YWHAZ: variants seen among roughly 807,000 people sequenced by gnomAD.
YWHAZ encodes the protein tyrosine 3-monooxygenase/tryptophan 5-monooxygenase activation protein zeta.
For synonymous variants in YWHAZ, 87 were observed against 103.6 expected (o/e 0.84, Z 0.97); for missense variants, 79 against 284.8 (o/e 0.28, Z 5.20).
rs553703085 is a variant in YWHAZ, at chr8:100,949,125, G to C, written c.-11-225C>G. Among the ~76,000 whole-genome samples, 27 of 152,282 alleles carry C rather than the reference G, an allele frequency of 1.8e-4. No homozygotes were observed. Among genetic ancestry groups the C allele is most frequent in the South Asian group, 1.0e-3 (5 of 4,820 alleles). The stretch of plus-strand genomic sequence containing the variant: ...TAAACTTACAGCCATTAACACATCA[G>C]TGTAGCAAAACTTAAAATTTGTTCA... On this transcript the variant is annotated intron_variant, in intron 1 of 5. Transcript: ENST00000395958.
chr8:100,940,628 C>T (rs985029930), intron 2 of YWHAZ, among the ~76,000 whole-genome samples: 4 of 152,174 alleles, frequency 2.6e-5, no homozygotes, highest in African/African-American at 9.7e-5. Flanking sequence ...AATGAAACCA[C>T]AATAAAGTGA....
At chr8:100,928,690 G>A (rs978160464) in intron 2 of YWHAZ, among the ~76,000 whole-genome samples, 3 of 151,528 alleles carry the variant, frequency 2.0e-5, no homozygotes, top group Non-Finnish European at 2.9e-5. Flanking sequence ...CTGAGATTGC[G>A]CCATTGCACT....
In YWHAZ at chr8:100,920,472, T is replaced by C. The variant is rs1201318026; in HGVS notation, c.*221A>G. 7.1e-6 allele frequency: 4 copies of C among 561,838 alleles called. No individual in the cohort carries two copies. Among genetic ancestry groups the C allele is most frequent in the African/African-American group, 3.8e-5 (2 of 52,418 alleles). The allele number at this position is 561,838 out of a possible 1,614,324, so 34.8% of individuals were successfully genotyped here. On this transcript the variant is annotated 3_prime_UTR_variant, in exon 6 of 6. Coordinates refer to ENST00000395958, the MANE Select transcript of YWHAZ (RefSeq NM_145690.3). ...TGTATAAAAATTCCACATCCCCATATTGGCCACCTCAAGATGAAAACAGAT... is the reference window on the plus strand; with the variant it reads ...TGTATAAAAATTCCACATCCCCATACTGGCCACCTCAAGATGAAAACAGAT...
chr8:100,920,732 T>C lies in YWHAZ; in HGVS notation c.699A>G (p.Gln233=). The change falls in exon 6 of 6, where the codon CAA becomes CAG. Residue 233 remains glutamine, a synonymous_variant. Transcript: ENST00000395958. ...CTTCTCCTGCTTCAGCTTCGTCTCC[T>C]TGGGTATCCGATGTCCACAACTGGT... ...DNLTLWTSDT[Q]GDEAEAGEGG... The C allele has an allele frequency of 1.3e-6, 2 of 1,489,958 alleles. No individual in the cohort carries two copies. The highest frequency in any genetic ancestry group is 1.8e-6 in the Non-Finnish European group (2 of 1,107,288). 92.3% of individuals were successfully genotyped at this position (1,489,958 alleles called of 1,614,324 possible). A position where few individuals can be genotyped will look rare whatever the true frequency, so the allele number is the denominator to read the frequency against.
chr8:100,935,216 T>C (rs1466619667), intron 2 of YWHAZ, among the ~76,000 whole-genome samples: 3 of 152,000 alleles, frequency 2.0e-5, no homozygotes, highest in Non-Finnish European at 2.9e-5. Context: ...AACCTACTCA[T>C]AGGCTCTAAT....
rs1159755306 is a variant in YWHAZ, at chr8:100,924,817, T to G, written c.418+99A>C. Reference sequence around the variant, plus strand: ...AGCACTGCTACTCCTTATTCGGCACTCTAAGCAATTCAAAACAAGACATTA... The same window carrying G: ...AGCACTGCTACTCCTTATTCGGCACGCTAAGCAATTCAAAACAAGACATTA... On this transcript the variant is annotated intron_variant, in intron 3 of 5. Coordinates refer to ENST00000395958, the MANE Select transcript of YWHAZ (RefSeq NM_145690.3). The surrounding 1 kb of genome is among the most constrained non-coding windows in gnomAD (Gnocchi z 5.7). The G allele has an allele frequency of 6.6e-7, 1 of 1,505,732 alleles. No individual in the cohort carries two copies. The highest frequency in any genetic ancestry group is 9.0e-7 in the Non-Finnish European group (1 of 1,106,588). The allele number at this position is 1,505,732 out of a possible 1,614,324, so 93.3% of individuals were successfully genotyped here.
chr8:100,948,453 G>A lies in YWHAZ; in HGVS notation c.294+143C>T. ...CTATAATTGTCTTAACATCTTTTTAGTCATGACACCATGAAGACTTTTAAA... is the reference window on the plus strand; with the variant it reads ...CTATAATTGTCTTAACATCTTTTTAATCATGACACCATGAAGACTTTTAAA... On this transcript the variant is annotated intron_variant, in intron 2 of 5. Coordinates refer to ENST00000395958, the MANE Select transcript of YWHAZ (RefSeq NM_145690.3). The surrounding 1 kb of genome is among the most constrained non-coding windows in gnomAD (Gnocchi z 4.2). 2 of 913,472 alleles carry A rather than the reference G, an allele frequency of 2.2e-6. No individual in the cohort carries two copies. Among genetic ancestry groups the A allele is most frequent in the Non-Finnish European group, 3.3e-6 (2 of 605,572 alleles). The allele number at this position is 913,472 out of a possible 1,614,324, so 56.6% of individuals were successfully genotyped here.
At position 100,935,800 on chromosome 8, in the gene YWHAZ, T is replaced by C. The variant is rs114490869; in HGVS notation, c.295-10761A>G. Reference sequence around the variant, plus strand: ...AAGACAGGCATTTCAAATACAAAACTATGACCAGCCTCCTCCTCACCTTAA... The same window carrying C: ...AAGACAGGCATTTCAAATACAAAACCATGACCAGCCTCCTCCTCACCTTAA... On this transcript the variant is annotated intron_variant, in intron 2 of 5. Transcript: ENST00000395958. Among the ~76,000 whole-genome samples, 787 of 152,256 alleles carry C rather than the reference T, an allele frequency of 5.2e-3. 9 individuals are homozygous for C. Among genetic ancestry groups the C allele is most frequent in the African/African-American group, 0.017 (717 of 41,548 alleles).
chr8:100,945,326 G>A (rs745400588), intron 2 of YWHAZ, among the ~76,000 whole-genome samples: 1 of 152,148 alleles, frequency 6.6e-6, no homozygotes, highest in African/African-American at 2.4e-5. Flanking sequence ...ACCAGAATGG[G>A]TTACTAAAGA....
At chr8:100,946,396 A>C (rs1448056959) in intron 2 of YWHAZ, among the ~76,000 whole-genome samples, 1 of 152,186 alleles carries the variant, frequency 6.6e-6, no homozygotes, top group Non-Finnish European at 1.5e-5. Context: ...CTAAAAGTAC[A>C]AAAATTAGCT....
intron 2 of YWHAZ, among the ~76,000 whole-genome samples, chr8:100,933,153 G>A (rs1813877628): frequency 6.6e-6 from 1 of 152,148 alleles, no homozygotes. Flanking sequence ...GAGGTCAGGA[G>A]CTCAAGACCA....
chr8:100,932,076 T>C (rs1388220393), intron 2 of YWHAZ: 1 of 152,248 alleles, frequency 6.6e-6, no homozygotes, highest in Non-Finnish European at 1.5e-5. Context: ...GAAATCTTCC[T>C]GGGTCTCAGA....
intron 2 of YWHAZ, among the ~76,000 whole-genome samples, chr8:100,928,185 C>A (rs1813498129): frequency 6.6e-6 from 1 of 151,964 alleles, no homozygotes; most frequent in African/African-American, 2.4e-5. Context: ...GAGACTGAGG[C>A]AGGAGAACAG....
intron 1 of YWHAZ, among the ~76,000 whole-genome samples, chr8:100,949,524 T>G (rs1294549950): frequency 6.6e-6 from 1 of 152,216 alleles, no homozygotes; most frequent in Non-Finnish European, 1.5e-5. Flanking sequence ...TTCAGATATT[T>G]TGAGTATAAA....
chr8:100,948,111 T>C lies in YWHAZ; in HGVS notation c.294+485A>G, dbSNP rs1372094171. On this transcript the variant is annotated intron_variant, in intron 2 of 5. Coordinates refer to ENST00000395958, the MANE Select transcript of YWHAZ (RefSeq NM_145690.3). This position sits in a 1 kb window ranked among gnomAD's most constrained non-coding sequence, Gnocchi z 4.2. ...TTCAATGCAGGAAGAGGTTTCATAG[T>C]TGTGACGCCAGAGTTTTCTGCATGG... 1.3e-6 allele frequency: 2 copies of C among 1,535,040 alleles called. No individual in the cohort carries two copies. Among genetic ancestry groups the C allele is most frequent in the East Asian group, 2.4e-5 (1 of 40,860 alleles).
chr8:100,945,077 G>A (rs140595719), intron 2 of YWHAZ, among the ~76,000 whole-genome samples: 1 of 152,300 alleles, frequency 6.6e-6, no homozygotes, highest in African/African-American at 2.4e-5. Flanking sequence ...CAACTACCAA[G>A]AGAGCTTTTG....
chr8:100,939,059 C>G (rs1362080062), intron 2 of YWHAZ, among the ~76,000 whole-genome samples: 1 of 152,188 alleles, frequency 6.6e-6, no homozygotes, highest in Admixed American at 6.5e-5. Flanking sequence ...AACAAGAAAT[C>G]TGGCAAAGCA....
intron 2 of YWHAZ, among the ~76,000 whole-genome samples, chr8:100,927,929 T>C (rs966347863): frequency 2.0e-5 from 3 of 152,196 alleles, no homozygotes; most frequent in African/African-American, 7.2e-5. Flanking sequence ...GGCCTAATGA[T>C]AGACCAAAAG....
At chr8:100,947,970 C>T in intron 2 of YWHAZ, 1 of 719,530 alleles carries the variant, frequency 1.4e-6, no homozygotes, top group Non-Finnish European at 2.1e-6. Flanking sequence ...AAGCGCAGTG[C>T]TTCAACACAG....
Sources: allele counts gnomAD v4.1 joint callset (sites outside exome capture counted in the v4.1 genomes callset), GRCh38; gene constraint gnomAD v4.1.1; non-coding constraint Gnocchi (gnomAD v3.1); transcripts MANE v1.5; gene names NCBI Gene and HGNC (gene_info 2026-07-23, HGNC 2026-07-21).